The following METTL15 variants were observed in gnomAD, a reference collection of about 807,000 sequenced individuals.
The protein encoded by METTL15 is methyltransferase 15, mitochondrial 12S rRNA N4-cytidine.
A neutral mutation model predicts 38.3 loss-of-function variants in METTL15; 34 were observed. The ratio of observed to expected loss-of-function variants is 0.89; its 90% confidence interval spans 0.68 to 1.18. The LOEUF (loss-of-function observed/expected upper bound fraction) is 1.18. METTL15 is among the 50% of genes most tolerant of loss of function. The probability of loss-of-function intolerance (pLI) is 0.00; values close to 1 mark genes in which losing one functional copy is unlikely to be tolerated. For synonymous variants in METTL15, 162 were observed against 170.9 expected (o/e 0.95, Z 0.41); for missense variants, 438 against 498.4 (o/e 0.88, Z 1.15).
At chr11:28,484,350 A>C (rs192453958) in intron 6 of METTL15, among the ~76,000 whole-genome samples, 7 of 152,146 alleles carry the variant, frequency 4.6e-5, no homozygotes, top group Admixed American at 2.0e-4. Context: ...TTCAGAGCCA[A>C]CTCTCCTAAC....
intron 3 of METTL15, chr11:28,197,561 T>C (rs542248523): frequency 1.9e-4 from 84 of 438,602 alleles, no homozygotes; most frequent in South Asian, 1.4e-3. Flanking sequence ...TTAAGTAACT[T>C]GCCTAACAAG....
intron 6 of METTL15, among the ~76,000 whole-genome samples, chr11:28,309,280 CT>C (rs1211734646): frequency 6.6e-6 from 1 of 152,168 alleles, no homozygotes; most frequent in Non-Finnish European, 1.5e-5. Context: ...CGTCACAAAT[CT>C]CACTTTTGAC....
chr11:28,131,873 G>C (rs1431533226), intron 3 of METTL15, among the ~76,000 whole-genome samples: 2 of 152,136 alleles, frequency 1.3e-5, no homozygotes, highest in Admixed American at 6.6e-5. Context: ...GTCTAGCCTT[G>C]TTGAGCTATT....
At chr11:28,430,920 C>T (rs1355047637) in intron 6 of METTL15, among the ~76,000 whole-genome samples, 4 of 118,700 alleles carry the variant, frequency 3.4e-5, no homozygotes, top group Non-Finnish European at 7.4e-5. Context: ...CAGCCCCCCG[C>T]CCGGCCAGCC....
chr11:28,485,192 A>T (rs990233041), intron 6 of METTL15, among the ~76,000 whole-genome samples: 1 of 151,948 alleles, frequency 6.6e-6, no homozygotes, highest in Admixed American at 6.6e-5. Context: ...TCAGCTGTTT[A>T]TTTGAAGGAA....
intron 4 of METTL15, among the ~76,000 whole-genome samples, chr11:28,233,758 T>A (rs2133887187): frequency 6.6e-6 from 1 of 152,200 alleles, no homozygotes; most frequent in East Asian, 1.9e-4. Flanking sequence ...ATGCCATCAG[T>A]TGTCTATATT....
chr11:28,226,517 T>C (rs2133874571), intron 4 of METTL15, among the ~76,000 whole-genome samples: 1 of 152,100 alleles, frequency 6.6e-6, no homozygotes, highest in South Asian at 2.1e-4. Context: ...TGTAGACTTA[T>C]TTTCTAGCAC....
At chr11:28,389,927 A>T (rs2133392719) in intron 5 of METTL15, among the ~76,000 whole-genome samples, 1 of 152,148 alleles carries the variant, frequency 6.6e-6, no homozygotes, top group East Asian at 1.9e-4. Flanking sequence ...TGCCATTCTA[A>T]CTGGTATGAG....
intron 6 of METTL15, among the ~76,000 whole-genome samples, chr11:28,431,718 C>T (rs1248949259): frequency 1.1e-5 from 1 of 92,392 alleles, no homozygotes; most frequent in Non-Finnish European, 2.1e-5. Flanking sequence ...CTTCCCTCCA[C>T]TATTGTCCCA....
Position 28,235,127 on chromosome 11 carries a change from G to C in METTL15, c.407+23929G>C, listed in dbSNP as rs551100068. Among the ~76,000 whole-genome samples the C allele has an allele frequency of 2.0e-5, 3 of 152,064 alleles. No individual in the cohort carries two copies. In the South Asian group the frequency reaches 6.2e-4, roughly 32 times the overall value. On this transcript the variant is annotated intron_variant, in intron 4 of 6. Transcript: ENST00000407364. ...TATCAGATAGTTGTAGATATGAGGC[G>C]TTATTTCTGAGGGGTCTGTTCTGTT...
chr11:28,167,579 A>G (rs1298567211), intron 3 of METTL15, among the ~76,000 whole-genome samples: 1 of 152,002 alleles, frequency 6.6e-6, no homozygotes, highest in Non-Finnish European at 1.5e-5. Flanking sequence ...ACATCTAATT[A>G]TGTAAGTATA....
intron 6 of METTL15, among the ~76,000 whole-genome samples, chr11:28,502,018 G>C (rs550352171): frequency 6.6e-6 from 1 of 151,276 alleles, no homozygotes; most frequent in South Asian, 2.1e-4. Context: ...GTAGAATGGC[G>C]TGAATCCAGG....
intron 4 of METTL15, among the ~76,000 whole-genome samples, chr11:28,228,714 C>T (rs1853575830): frequency 6.6e-6 from 1 of 151,764 alleles, no homozygotes; most frequent in African/African-American, 2.4e-5. Context: ...GACTACATTC[C>T]ACATATATTG....
intron 5 of METTL15, among the ~76,000 whole-genome samples, chr11:28,394,495 G>A (rs1049001813): frequency 6.6e-6 from 1 of 152,008 alleles, no homozygotes; most frequent in African/African-American, 2.4e-5. Flanking sequence ...GGGGGTGGAA[G>A]TTATAAAAAG....
rs571493722 is a variant in METTL15 at position 28,148,991 on chromosome 11, A to G, written c.270+35387A>G. 3.3e-5 allele frequency among the ~76,000 whole-genome samples: 5 copies of G among 152,124 alleles called. No homozygotes were observed. In the East Asian group the frequency reaches 9.7e-4, roughly 29 times the overall value. On this transcript the variant is annotated intron_variant, in intron 3 of 6. Transcript: ENST00000407364. ...AAAAGGATGGGAAATGAGAATAGAA[A>G]TGTGGATTGGTACCACATTGTTTAG...
At chr11:28,431,520 C>T (rs1056357757) in intron 6 of METTL15, among the ~76,000 whole-genome samples, 3 of 75,850 alleles carry the variant, frequency 4.0e-5, no homozygotes, top group Non-Finnish European at 8.3e-5. Context: ...TGTGTCCACT[C>T]AGGGTTAAAT....
chr11:28,438,663 T>A (rs1441134560), intron 6 of METTL15, among the ~76,000 whole-genome samples: 1 of 150,882 alleles, frequency 6.6e-6, no homozygotes, highest in Non-Finnish European at 1.5e-5. Flanking sequence ...TTTTTCTTTT[T>A]TCTTTTTTCT....
intron 5 of METTL15, among the ~76,000 whole-genome samples, chr11:28,377,969 G>A (rs533078468): frequency 2.6e-4 from 40 of 152,230 alleles, no homozygotes; most frequent in African/African-American, 9.6e-4. Flanking sequence ...AGGCTGCTCG[G>A]GGGTCAGGGG....
intron 6 of METTL15, among the ~76,000 whole-genome samples, chr11:28,440,750 C>G (rs1851027209): frequency 6.6e-6 from 1 of 152,128 alleles, no homozygotes; most frequent in Non-Finnish European, 1.5e-5. Flanking sequence ...GGTACACACA[C>G]AAACATACTT....
Sources: gnomAD v4.1 joint callset for allele counts (sites outside exome capture counted in the v4.1 genomes callset) on GRCh38, gnomAD v4.1.1 for gene constraint, MANE v1.5 for transcripts, NCBI Gene and HGNC (gene_info 2026-07-23, HGNC 2026-07-21) for gene names.